ANO2: variants seen among roughly 807,000 people sequenced by gnomAD.
ANO2 encodes the protein anoctamin-2.
Under a neutral mutation model 124.2 loss-of-function variants are expected in ANO2, and 101 were observed. The observed-to-expected ratio is 0.81, with a 90% CI of 0.69 to 0.96. ANO2 has a LOEUF of 0.96. Ranked by LOEUF, ANO2 falls within the 40% of genes least tolerant of loss-of-function variation. ANO2 has a pLI of 0.00. For missense variants in ANO2, 1,293 were observed against 1,274.5 expected, an observed-to-expected ratio of 1.01 and a Z score of -0.22; for synonymous variants, 486 against 482.5, an observed-to-expected ratio of 1.01 and a Z score of -0.09.
At chr12:5,713,691 G>C (rs1949904947) in intron 14 of ANO2, among the ~76,000 whole-genome samples, 1 of 152,192 alleles carries the variant, frequency 6.6e-6, no homozygotes, top group Admixed American at 6.5e-5. Flanking sequence ...CTTGTTTATA[G>C]AACTGTTGTT....
intron 3 of ANO2, among the ~76,000 whole-genome samples, chr12:5,906,581 G>A (rs1029031667): frequency 1.4e-4 from 22 of 152,160 alleles, no homozygotes; most frequent in African/African-American, 5.1e-4. Flanking sequence ...CAGATCACGA[G>A]GTCAAGAGAT....
chr12:5,810,400 C>T (rs1686454140), intron 7 of ANO2, among the ~76,000 whole-genome samples: 2 of 152,176 alleles, frequency 1.3e-5, no homozygotes, highest in African/African-American at 4.8e-5. Context: ...AAAAAAGAGT[C>T]CCTGCTTTGA....
chr12:5,634,888 T>C (rs545920289), intron 16 of ANO2, among the ~76,000 whole-genome samples: 8 of 150,822 alleles, frequency 5.3e-5, no homozygotes, highest in South Asian at 2.1e-4. Context: ...CCTTAGGGGA[T>C]AGTGAGTGCC....
intron 14 of ANO2, among the ~76,000 whole-genome samples, chr12:5,686,126 G>A (rs538984767): frequency 7.2e-5 from 11 of 152,104 alleles, no homozygotes; most frequent in African/African-American, 1.4e-4. Flanking sequence ...GGCAAGTCCC[G>A]GGTAGCTCTC....
chr12:5,894,218 T>C (rs900801965), intron 3 of ANO2, among the ~76,000 whole-genome samples: 2 of 152,258 alleles, frequency 1.3e-5, no homozygotes, highest in Non-Finnish European at 2.9e-5. Context: ...GTGGTTTTCA[T>C]TTGCATTTCT....
chr12:5,647,901 C>A, intron 14 of ANO2, 100 bp from the exon 15 acceptor site: 1 of 857,584 alleles, frequency 1.2e-6, no homozygotes, highest in Non-Finnish European at 1.9e-6. Flanking sequence ...ATCATTATCA[C>A]TCTATATAGA....
chr12:5,919,136 T>C (rs982990952), intron 3 of ANO2, among the ~76,000 whole-genome samples: 3 of 151,830 alleles, frequency 2.0e-5, no homozygotes, highest in Admixed American at 6.6e-5. Flanking sequence ...ATGCTGAGTG[T>C]GATGAAGAAA....
intron 7 of ANO2, among the ~76,000 whole-genome samples, chr12:5,818,767 T>A (rs1271690945): frequency 2.0e-5 from 3 of 152,076 alleles, no homozygotes; most frequent in African/African-American, 7.2e-5. Context: ...CACTCCTGAT[T>A]CACTGCTCAT....
rs1953359886 is a variant in ANO2, at chr12:5,810,720, A to G, written c.893-3352T>C. 2.6e-5 allele frequency among the ~76,000 whole-genome samples: 4 copies of G among 152,310 alleles called. No individual in the cohort carries two copies. In the South Asian group the frequency reaches 6.2e-4, roughly 24 times the overall value. ...AGCCCCTTACTGATCCTCGAAGTCAACGTGCCCATGTCTCCTTCAAATCAC... is the reference window on the plus strand; with the variant it reads ...AGCCCCTTACTGATCCTCGAAGTCAGCGTGCCCATGTCTCCTTCAAATCAC... On this transcript the variant is annotated intron_variant, in intron 7 of 24. Coordinates refer to ENST00000682330, the MANE Select transcript of ANO2 (RefSeq NM_001364791.2).
intron 1 of ANO2, among the ~76,000 whole-genome samples, chr12:5,923,100 A>ACG (rs1941831535): frequency 9.9e-5 from 4 of 40,272 alleles, no homozygotes; most frequent in Admixed American, 3.5e-4. Flanking sequence ...ACACGCACAC[A>ACG]CATACACACA....
chr12:5,603,961 A>G (rs1029065578), intron 19 of ANO2, among the ~76,000 whole-genome samples: 3 of 151,272 alleles, frequency 2.0e-5, no homozygotes, highest in Non-Finnish European at 4.4e-5. Flanking sequence ...AAAAAAAAAA[A>G]AAAAGAAAAT....
chr12:5,805,471 C>A (rs754925219), intron 9 of ANO2, among the ~76,000 whole-genome samples: 6 of 152,168 alleles, frequency 3.9e-5, no homozygotes, highest in Non-Finnish European at 7.3e-5. Context: ...GTTTCTTGAA[C>A]TACAAAGCAC....
At chr12:5,691,510 T>C (rs1221226084) in intron 14 of ANO2, among the ~76,000 whole-genome samples, 2 of 151,946 alleles carry the variant, frequency 1.3e-5, no homozygotes, top group Non-Finnish European at 1.5e-5. Flanking sequence ...GAGGAGCAGG[T>C]AGCCAAAGCC....
rs570556754 is a variant in ANO2, at chr12:5,852,785, G to A, written c.633+1258C>T. 3.2e-3 allele frequency among the ~76,000 whole-genome samples: 491 copies of A among 151,168 alleles called. 1 individual carries two copies. Among genetic ancestry groups the A allele is most frequent in the African/African-American group, 0.011 (451 of 41,242 alleles). ...CAGCATGAAAACTATGATGATGGTA[G>A]TTACAAACAGCAAGATGATCTTTGC... is the stretch of plus-strand genomic sequence containing the variant. On this transcript the variant is annotated intron_variant, in intron 4 of 24. Coordinates refer to ENST00000682330, the MANE Select transcript of ANO2 (RefSeq NM_001364791.2).
chr12:5,850,501 G>C (rs1373942872), intron 4 of ANO2, among the ~76,000 whole-genome samples: 1 of 152,084 alleles, frequency 6.6e-6, no homozygotes, highest in African/African-American at 2.4e-5. Context: ...CCTGAGTCGA[G>C]TCTGGGACCA....
intron 3 of ANO2, among the ~76,000 whole-genome samples, chr12:5,870,857 C>T (rs1015981038): frequency 3.3e-5 from 5 of 152,178 alleles, no homozygotes; most frequent in East Asian, 3.8e-4. Context: ...CATGCAGTGG[C>T]GCAGGTCATG....
intron 12 of ANO2, chr12:5,740,092 C>T (rs1951036641): frequency 1.2e-5 from 5 of 418,182 alleles, no homozygotes; most frequent in South Asian, 8.9e-5. Flanking sequence ...ACGCCTTTCT[C>T]AGCATGCTCT....
intron 14 of ANO2, among the ~76,000 whole-genome samples, chr12:5,672,397 G>A (rs1486123045): frequency 6.6e-6 from 1 of 152,216 alleles, no homozygotes; most frequent in East Asian, 1.9e-4. Context: ...TATGTTAATG[G>A]TAACAGAAGT....
intron 16 of ANO2, among the ~76,000 whole-genome samples, chr12:5,633,964 A>G (rs1390458768): frequency 2.0e-5 from 3 of 152,086 alleles, no homozygotes; most frequent in Non-Finnish European, 4.4e-5. Flanking sequence ...TGGGCTCTCC[A>G]GTCAAACGCC....
Sources: allele counts gnomAD v4.1 joint callset (sites outside exome capture counted in the v4.1 genomes callset), GRCh38; gene constraint gnomAD v4.1.1; transcripts MANE v1.5; gene names NCBI Gene and HGNC (gene_info 2026-07-23, HGNC 2026-07-21).